Variants in CSMD1 observed in about 807,000 individuals in gnomAD.
CSMD1 encodes CUB and sushi domain-containing protein 1.
A neutral mutation model predicts 417.5 loss-of-function variants in CSMD1; 213 were observed. The ratio of observed to expected loss-of-function variants is 0.51; its 90% CI spans 0.46 to 0.57. CSMD1 has a LOEUF of 0.57. Among genes scored for constraint, CSMD1 ranks in the 20% least tolerant of loss-of-function variants. CSMD1 has a pLI of 0.00. For synonymous variants in CSMD1, 2,862 were observed against 1,736.8 expected, an observed-to-expected ratio of 1.65 and a Z score of -16.11; for missense variants, 6,923 against 4,529.7, an observed-to-expected ratio of 1.53 and a Z score of -15.17.
intron 2 of CSMD1, among the ~76,000 whole-genome samples, chr8:4,607,161 A>G (rs1800920396): frequency 6.6e-6 from 1 of 152,130 alleles, no homozygotes; most frequent in Non-Finnish European, 1.5e-5. Flanking sequence ...TTAAAGCACG[A>G]TCCTTGTACT....
chr8:3,999,442 T>A (rs773071317), intron 4 of CSMD1, among the ~76,000 whole-genome samples: 6 of 152,230 alleles, frequency 3.9e-5, no homozygotes, highest in Non-Finnish European at 7.3e-5. Context: ...CTTTCATCTT[T>A]CAGCGATGTT....
chr8:3,909,763 T>C (rs538091516), intron 5 of CSMD1, among the ~76,000 whole-genome samples: 5 of 152,292 alleles, frequency 3.3e-5, no homozygotes, highest in Admixed American at 2.6e-4. Context: ...CTGGAGCTAA[T>C]ACGAACTCGA....
intron 5 of CSMD1, among the ~76,000 whole-genome samples, chr8:3,822,852 A>C (rs538170535): frequency 2.4e-4 from 36 of 152,262 alleles, no homozygotes; most frequent in Middle Eastern, 6.8e-3. Context: ...TGAGCTATGC[A>C]TGTGGTATTT....
At chr8:4,680,971 T>TGA (rs1418512562) in intron 1 of CSMD1, among the ~76,000 whole-genome samples, 265 of 122,272 alleles carry the variant, frequency 2.2e-3, no homozygotes, top group South Asian at 2.7e-3. Flanking sequence ...TGTGTGTGTG[T>TGA]GTGTGAGAGA....
rs139988135 is a variant in CSMD1, at chr8:3,485,327, T to C, written c.1448+8296A>G. Among the ~76,000 whole-genome samples the C allele has an allele frequency of 5.7e-3, 866 of 152,214 alleles. 9 individuals are homozygous for C. Among genetic ancestry groups the C allele is most frequent in the African/African-American group, 0.019 (789 of 41,540 alleles). ...CTACGTGCTTCTAATTATATAACAT[T>C]CTTGCAATGACAAATTTTTAGAGCT... On this transcript the variant is annotated intron_variant, in intron 11 of 69. Transcript: ENST00000635120.
At chr8:3,693,751 TTGTA>T (rs1800382621) in intron 7 of CSMD1, among the ~76,000 whole-genome samples, 1 of 151,924 alleles carries the variant, frequency 6.6e-6, no homozygotes, top group Admixed American at 6.6e-5. Flanking sequence ...GGTGTGTGTG[TTGTA>T]TGTGTGTTTT....
chr8:4,797,203 G>C (rs148251864), intron 1 of CSMD1, among the ~76,000 whole-genome samples: 2 of 152,290 alleles, frequency 1.3e-5, no homozygotes, highest in East Asian at 1.9e-4. Flanking sequence ...AGCCCACACA[G>C]TAAGGACAGG....
intron 7 of CSMD1, among the ~76,000 whole-genome samples, chr8:3,695,058 A>C (rs1800469974): frequency 6.8e-6 from 1 of 147,084 alleles, no homozygotes; most frequent in Non-Finnish European, 1.5e-5. Flanking sequence ...CGTGGAAGAA[A>C]GAACATCACA....
intron 1 of CSMD1, among the ~76,000 whole-genome samples, chr8:4,992,439 G>A (rs926885458): frequency 1.1e-4 from 16 of 152,338 alleles, no homozygotes; most frequent in African/African-American, 3.6e-4. Flanking sequence ...TTGCCTGCCT[G>A]GAAAGGAGGA....
At chr8:4,023,231 C>A (rs1052519769) in intron 4 of CSMD1, among the ~76,000 whole-genome samples, 10 of 152,160 alleles carry the variant, frequency 6.6e-5, no homozygotes, top group African/African-American at 2.4e-4. Flanking sequence ...TGAAAGGTGG[C>A]CATCTCCAAA....
chr8:3,337,594 G>C (rs1171018283), intron 23 of CSMD1, among the ~76,000 whole-genome samples: 1 of 152,142 alleles, frequency 6.6e-6, no homozygotes, highest in African/African-American at 2.4e-5. Context: ...CTGATGTACA[G>C]GGAATGCATA....
intron 2 of CSMD1, among the ~76,000 whole-genome samples, chr8:4,453,818 T>C (rs374176042): frequency 2.6e-5 from 3 of 113,666 alleles, no homozygotes; most frequent in Admixed American, 1.7e-4. Flanking sequence ...TCGTTTCTTT[T>C]TTTTTTTTTT....
At chr8:3,888,324 G>T (rs1051848736) in intron 5 of CSMD1, among the ~76,000 whole-genome samples, 1 of 152,184 alleles carries the variant, frequency 6.6e-6, no homozygotes, top group Non-Finnish European at 1.5e-5. Context: ...GCAAGCATTT[G>T]TATCCAAAGT....
chr8:4,145,682 C>G (rs1375545076), intron 3 of CSMD1, among the ~76,000 whole-genome samples: 1 of 151,002 alleles, frequency 6.6e-6, no homozygotes, highest in African/African-American at 2.5e-5. Flanking sequence ...CAACACCACA[C>G]CTGGCCACAT....
intron 7 of CSMD1, among the ~76,000 whole-genome samples, chr8:3,681,008 T>C (rs1307693724): frequency 6.6e-6 from 1 of 152,178 alleles, no homozygotes; most frequent in Non-Finnish European, 1.5e-5. Flanking sequence ...CTAAAAACTC[T>C]CAATAAATTA....
At chr8:4,784,823 G>A (rs1405634584) in intron 1 of CSMD1, among the ~76,000 whole-genome samples, 2 of 152,176 alleles carry the variant, frequency 1.3e-5, no homozygotes, top group Non-Finnish European at 1.5e-5. Context: ...ATTGTGGGTT[G>A]GCAGGAAGAC....
intron 12 of CSMD1, among the ~76,000 whole-genome samples, chr8:3,450,072 C>T (rs972693400): frequency 3.9e-5 from 6 of 152,164 alleles, no homozygotes; most frequent in South Asian, 2.1e-4. Flanking sequence ...ATACGAAATT[C>T]GGAAAATCAT....
At chr8:4,332,628 C>G (rs10104718) in intron 3 of CSMD1, among the ~76,000 whole-genome samples, 38,273 of 148,810 alleles carry the variant, frequency 0.26, 5,527 homozygotes, top group South Asian at 0.41. Context: ...CAGAGACATT[C>G]AGATACACAG....
intron 12 of CSMD1, among the ~76,000 whole-genome samples, chr8:3,467,321 G>A (rs1252101353): frequency 2.0e-5 from 3 of 152,222 alleles, no homozygotes; most frequent in African/African-American, 7.2e-5. Context: ...CTGTTGGGAA[G>A]TGTCTGGTAT....
Sources: allele counts gnomAD v4.1 joint callset (sites outside exome capture counted in the v4.1 genomes callset), GRCh38; gene constraint gnomAD v4.1.1; transcripts MANE v1.5; gene names NCBI Gene and HGNC (gene_info 2026-07-23, HGNC 2026-07-21).